ARMH3: variants seen among roughly 807,000 people sequenced by gnomAD.
ARMH3 encodes the protein armadillo-like helical domain-containing protein 3.
In ARMH3, 60 loss-of-function variants were observed where a neutral mutation model predicts 99.1. That is an observed-to-expected ratio of 0.61 (90% CI 0.49 to 0.75). The LOEUF (loss-of-function observed/expected upper bound fraction) is 0.75. ARMH3 is among the 30% of genes least tolerant of loss of function. The pLI, the probability that ARMH3 is intolerant of heterozygous loss-of-function variation, is 0.00. For missense variants in ARMH3, 679 were observed against 843.1 expected (o/e 0.81, Z 2.41); for synonymous variants, 285 against 292.8 (o/e 0.97, Z 0.27).
At chr10:102,022,353 G>A (rs112409196) in intron 8 of ARMH3, among the ~76,000 whole-genome samples, 7 of 151,288 alleles carry the variant, frequency 4.6e-5, no homozygotes, top group East Asian at 4.0e-4. Flanking sequence ...TTAGCCGGGC[G>A]TGGTGGTGGG....
intron 23 of ARMH3, among the ~76,000 whole-genome samples, chr10:101,934,607 T>C (rs1239807761): frequency 6.6e-6 from 1 of 152,152 alleles, no homozygotes; most frequent in Non-Finnish European, 1.5e-5. Context: ...AATCACCTAC[T>C]TGCAGTGTGA....
At chr10:102,025,009 C>T in intron 6 of ARMH3, 147 bp downstream of exon 6, 1 of 669,846 alleles carries the variant, frequency 1.5e-6, no homozygotes, top group Non-Finnish European at 2.5e-6. Flanking sequence ...ATGCAGCTAA[C>T]TTCCTATACA....
chr10:101,848,455 G>A (rs2066510617), intron 25 of ARMH3, among the ~76,000 whole-genome samples: 1 of 152,168 alleles, frequency 6.6e-6, no homozygotes, highest in Non-Finnish European at 1.5e-5. Context: ...TTCCCCACAG[G>A]AAATAGCTGT....
chr10:101,925,233 T>A (rs1416080787), intron 23 of ARMH3, among the ~76,000 whole-genome samples: 2 of 152,192 alleles, frequency 1.3e-5, no homozygotes, highest in Non-Finnish European at 2.9e-5. Flanking sequence ...AATATGTCCA[T>A]ATCATGCGTA....
At position 102,050,126 on chromosome 10, in the gene ARMH3, G is replaced by C. The variant is rs901985890; in HGVS notation, c.-12+5959C>G. The stretch of plus-strand genomic sequence containing the variant: ...CCACTGTACTCCAGCCTGGGCGATA[G>C]AGCCAGACTCAGTCTCAAAAAATAA... On this transcript the variant is annotated intron_variant, in intron 1 of 25. Transcript: ENST00000370033. 1.2e-4 allele frequency among the ~76,000 whole-genome samples: 19 copies of C among 152,026 alleles called. No homozygotes were observed. In the East Asian group the frequency reaches 3.7e-3, roughly 29 times the overall value.
intron 24 of ARMH3, among the ~76,000 whole-genome samples, chr10:101,859,346 G>C (rs2066808564): frequency 6.6e-6 from 1 of 152,252 alleles, no homozygotes; most frequent in Non-Finnish European, 1.5e-5. Flanking sequence ...CCCTGAGACA[G>C]CAGCTGCAGG....
intron 22 of ARMH3, among the ~76,000 whole-genome samples, chr10:101,942,644 T>G (rs1844295241): frequency 6.6e-6 from 1 of 152,062 alleles, no homozygotes; most frequent in Non-Finnish European, 1.5e-5. Flanking sequence ...GGTGGATCAC[T>G]TGAGGTCAGG....
intron 22 of ARMH3, among the ~76,000 whole-genome samples, chr10:101,946,660 CAT>C (rs759413943): frequency 2.0e-4 from 31 of 151,990 alleles, no homozygotes; most frequent in Middle Eastern, 3.4e-3. Flanking sequence ...GCCTCAGAAA[CAT>C]ATGGGACAAT....
At chr10:102,032,544 G>A (rs2067155708) in intron 4 of ARMH3, among the ~76,000 whole-genome samples, 1 of 152,058 alleles carries the variant, frequency 6.6e-6, no homozygotes, top group Non-Finnish European at 1.5e-5. Context: ...GGGATTACAG[G>A]TGCCCACCAC....
chr10:101,974,058 T>G (rs973277845), intron 20 of ARMH3, among the ~76,000 whole-genome samples: 1 of 152,210 alleles, frequency 6.6e-6, no homozygotes, highest in Non-Finnish European at 1.5e-5. Context: ...TTAACTCTCC[T>G]GACATTCTTT....
intron 23 of ARMH3, among the ~76,000 whole-genome samples, chr10:101,907,379 G>GTTTTTTTTTTTT: frequency 6.8e-6 from 1 of 147,804 alleles, no homozygotes; most frequent in Non-Finnish European, 1.5e-5. Context: ...TTTTGTCTTT[G>GTTTTTTTTTTTT]TTTTTGTTTT....
rs951906300 is a variant in ARMH3, at chr10:101,995,456, C to T, written c.1151-101G>A. The T allele has an allele frequency of 2.1e-5, 20 of 952,970 alleles. No homozygotes were observed. In the South Asian group the frequency reaches 2.6e-4, roughly 13 times the overall value. 59.0% of individuals were successfully genotyped at this position (952,970 alleles called of 1,614,324 possible). A position where few individuals can be genotyped will look rare whatever the true frequency, so the allele number is the denominator to read the frequency against. ...TATATCATAAAAGGAAACATTCACA[C>T]TTTCTCTTCCCACAAAATCCATAAA... is the stretch of plus-strand genomic sequence containing the variant. On this transcript the variant is annotated intron_variant, in intron 15 of 25. Coordinates refer to ENST00000370033, the MANE Select transcript of ARMH3 (RefSeq NM_024541.3).
At chr10:101,942,844 C>G (rs553404009) in intron 22 of ARMH3, among the ~76,000 whole-genome samples, 2 of 142,466 alleles carry the variant, frequency 1.4e-5, no homozygotes, top group Admixed American at 1.5e-4. Flanking sequence ...CCAGCCTAGG[C>G]AACAGAGCAA....
intron 20 of ARMH3, among the ~76,000 whole-genome samples, chr10:101,971,300 C>T (rs1230237625): frequency 6.6e-6 from 1 of 151,754 alleles, no homozygotes. Flanking sequence ...AAATACTGGC[C>T]GGGCGCAGTG....
At chr10:101,960,623 G>T (rs895321146) in intron 20 of ARMH3, among the ~76,000 whole-genome samples, 1 of 152,118 alleles carries the variant, frequency 6.6e-6, no homozygotes, top group African/African-American at 2.4e-5. Context: ...AGGTACAGTG[G>T]CTCATGCCTG....
At chr10:102,014,701 T>C (rs2066706479) in intron 8 of ARMH3, among the ~76,000 whole-genome samples, 1 of 152,162 alleles carries the variant, frequency 6.6e-6, no homozygotes, top group African/African-American at 2.4e-5. Flanking sequence ...GATTGTCCCA[T>C]CACTTAGAGC....
intron 23 of ARMH3, among the ~76,000 whole-genome samples, chr10:101,893,756 G>C (rs906421063): frequency 5.3e-5 from 8 of 151,944 alleles, no homozygotes; most frequent in Non-Finnish European, 1.0e-4. Flanking sequence ...GGGAGGGAGG[G>C]AGTGAGGGAG....
chr10:101,902,296 CA>C (rs746033318), intron 23 of ARMH3, among the ~76,000 whole-genome samples: 28 of 152,038 alleles, frequency 1.8e-4, no homozygotes, highest in East Asian at 9.6e-4. Flanking sequence ...GAGACAAATT[CA>C]AAAAATCATA....
At chr10:101,975,351 C>G (rs759008994) in intron 19 of ARMH3, 51 bp from the exon 20 acceptor site, 2 of 1,429,836 alleles carry the variant, frequency 1.4e-6, no homozygotes, top group South Asian at 2.3e-5. Flanking sequence ...TATAGTGCAA[C>G]TCACCAGAGA....
Sources: gnomAD v4.1 joint callset for allele counts (sites outside exome capture counted in the v4.1 genomes callset) on GRCh38, gnomAD v4.1.1 for gene constraint, MANE v1.5 for transcripts, NCBI Gene and HGNC (gene_info 2026-07-23, HGNC 2026-07-21) for gene names.